Variants in SMURF1 observed in about 807,000 individuals in gnomAD.
The protein encoded by SMURF1 is E3 ubiquitin-protein ligase SMURF1.
A neutral mutation model predicts 98.0 loss-of-function variants in SMURF1; 44 were observed. The observed-to-expected ratio is 0.45, with a 90% CI of 0.35 to 0.58. The LOEUF (loss-of-function observed/expected upper bound fraction) is 0.58, where lower values mean the gene tolerates loss of function less well. SMURF1 is among the 20% of genes least tolerant of loss of function. The pLI, the probability that SMURF1 is intolerant of heterozygous loss-of-function variation, is 0.00. For missense variants in SMURF1, 687 were observed against 938.4 expected (o/e 0.73, Z 3.50); for synonymous variants, 396 against 374.9 (o/e 1.06, Z -0.65).
intron 1 of SMURF1, among the ~76,000 whole-genome samples, chr7:99,126,062 C>T (rs1216997643): frequency 1.3e-5 from 2 of 152,128 alleles, no homozygotes; most frequent in African/African-American, 4.8e-5. Flanking sequence ...GACTCAGGGG[C>T]GCTTTGTATT....
At chr7:99,140,763 C>G (rs1798102965) in intron 1 of SMURF1, among the ~76,000 whole-genome samples, 1 of 151,942 alleles carries the variant, frequency 6.6e-6, no homozygotes, top group South Asian at 2.1e-4. Flanking sequence ...TATTCATTGA[C>G]TGGTTGAAAT....
chr7:99,043,660 TC>T (rs1795466400), intron 11 of SMURF1, among the ~76,000 whole-genome samples: 1 of 152,162 alleles, frequency 6.6e-6, no homozygotes, highest in South Asian at 2.1e-4. Flanking sequence ...TAAAATTCAT[TC>T]ATTTGGCACA....
intron 11 of SMURF1, among the ~76,000 whole-genome samples, chr7:99,043,010 A>G (rs1050416060): frequency 7.2e-5 from 11 of 152,136 alleles, no homozygotes; most frequent in African/African-American, 2.7e-4. Flanking sequence ...GAATCCTATA[A>G]AGTCTCTTTT....
intron 9 of SMURF1, chr7:99,048,383 T>A (rs889260745): frequency 6.3e-6 from 1 of 159,038 alleles, no homozygotes. Flanking sequence ...AGCCAGACTC[T>A]CTCTCTCAAA....
chr7:99,046,425 G>A (rs774816365), intron 10 of SMURF1, among the ~76,000 whole-genome samples: 8 of 152,078 alleles, frequency 5.3e-5, no homozygotes, highest in African/African-American at 1.4e-4. Context: ...TAAATTTAAC[G>A]CAATTCAAAC....
chr7:99,032,847 G>A (rs1371653226), intron 17 of SMURF1, 190 bp downstream of exon 17: 27 of 795,850 alleles, frequency 3.4e-5, no homozygotes, highest in Non-Finnish European at 4.8e-5. Flanking sequence ...CTTGCTTGAG[G>A]GCTTCAGAAT....
rs1001468814 is a variant in SMURF1 at position 99,084,159 on chromosome 7, C to T, written c.56-22322G>A. On this transcript the variant is annotated intron_variant, in intron 1 of 17. Coordinates refer to ENST00000361368, the MANE Select transcript of SMURF1 (RefSeq NM_181349.3). ...GGTTACTGCTCAAATCCTATCTCCTCTCCAATGTCTAGAGCCAACAATGAT... is the reference window on the plus strand; with the variant it reads ...GGTTACTGCTCAAATCCTATCTCCTTTCCAATGTCTAGAGCCAACAATGAT... 5.9e-5 allele frequency among the ~76,000 whole-genome samples: 9 copies of T among 152,364 alleles called. No homozygotes were observed. The East Asian group carries it at 9.6e-4, about 16-fold the overall frequency.
At chr7:99,099,502 G>A (rs1030523562) in intron 1 of SMURF1, among the ~76,000 whole-genome samples, 2 of 152,076 alleles carry the variant, frequency 1.3e-5, no homozygotes, top group South Asian at 2.1e-4. Context: ...CCCAGGATAG[G>A]GGGGGAAATG....
intron 1 of SMURF1, among the ~76,000 whole-genome samples, chr7:99,113,838 A>G (rs907247512): frequency 1.5e-4 from 1 of 6,506 alleles, no homozygotes; most frequent in Non-Finnish European, 3.4e-3. Context: ...GACTCCGTCT[A>G]AAAAAAAAAA....
At chr7:99,065,977 C>T (rs1025203314) in intron 1 of SMURF1, among the ~76,000 whole-genome samples, 2 of 151,018 alleles carry the variant, frequency 1.3e-5, no homozygotes, top group Admixed American at 6.6e-5. Flanking sequence ...ACCCAGGAGG[C>T]GGAGGTTGCA....
intron 1 of SMURF1, among the ~76,000 whole-genome samples, chr7:99,116,363 G>C (rs776278793): frequency 9.2e-5 from 14 of 151,978 alleles, no homozygotes; most frequent in Non-Finnish European, 1.6e-4. Context: ...CTAATAACAG[G>C]AACAAGACTA....
At chr7:99,126,974 C>CG (rs1554450295) in intron 1 of SMURF1, among the ~76,000 whole-genome samples, 2 of 152,206 alleles carry the variant, frequency 1.3e-5, no homozygotes, top group African/African-American at 4.8e-5. Flanking sequence ...GAGCAGGGGC[C>CG]GGGGGGAAGG....
chr7:99,060,630 A>C lies in SMURF1; in HGVS notation c.172T>G (p.Leu58Val). 1 of 1,613,888 alleles carries C rather than the reference A, an allele frequency of 6.2e-7. No individual in the cohort carries two copies. Among genetic ancestry groups the C allele is most frequent in the Non-Finnish European group, 8.5e-7 (1 of 1,179,944 alleles). ...TAGTGCTGGTTCCACTTTGGGTCCA[A>C]TGTGTTTTTCACAGTGTCGGTTGAG... ...CHSTDTVKNTLDPKWNQHYDL... is the reference protein window; with the variant it reads ...CHSTDTVKNTVDPKWNQHYDL... Residue 58 changes from leucine to valine, a missense_variant, in exon 3 of 18, where the codon TTG (leucine) becomes GTG (valine). Around this residue, in one of 2 missense-constraint regions of SMURF1, gnomAD observed 415 missense variants for 508.4 expected, o/e 0.82. Transcript: ENST00000361368.
intron 11 of SMURF1, among the ~76,000 whole-genome samples, 176 bp from the exon 12 acceptor site, chr7:99,042,408 G>A (rs1019506475): frequency 2.0e-5 from 3 of 152,104 alleles, no homozygotes; most frequent in Non-Finnish European, 4.4e-5. Context: ...CGAGTAGCTG[G>A]CACTACAGGC....
chr7:99,104,463 CACTT>C (rs1389248963), intron 1 of SMURF1, among the ~76,000 whole-genome samples: 6 of 152,144 alleles, frequency 3.9e-5, no homozygotes, highest in African/African-American at 1.4e-4. Context: ...CCCCCTCTTC[CACTT>C]ACTAACCCAC....
chr7:99,049,932 G>A, intron 8 of SMURF1: 1 of 439,698 alleles, frequency 2.3e-6, no homozygotes, highest in South Asian at 5.4e-5. Context: ...AAACTTTCAG[G>A]CTGGGCGCGG....
At chr7:99,059,321 C>G (rs1171887174) in intron 3 of SMURF1, among the ~76,000 whole-genome samples, 11 of 146,472 alleles carry the variant, frequency 7.5e-5, no homozygotes, top group African/African-American at 2.7e-4. Flanking sequence ...TGGCGTGAAC[C>G]CGGGAGGCGG....
chr7:99,054,821 C>T lies in SMURF1; in HGVS notation c.448G>A (p.Val150Met), dbSNP rs1795841496. ...RDRIGTGGSVVDCRGLLENEG... is the reference protein window; with the variant it reads ...RDRIGTGGSVMDCRGLLENEG... ...TTTTCTAACAGTCCTCTGCAGTCCA[C>T]CACCGAGCCGCCGGTTCCTATTCTG... The change falls in exon 6 of 18, where the codon GTG becomes ATG. Residue 150 changes from valine (V) to methionine (M), a missense_variant. By Grantham distance (21) the Val-to-Met change is conservative. Transcript: ENST00000361368. 1 of 1,614,138 alleles carries T rather than the reference C, an allele frequency of 6.2e-7. No individual in the cohort carries two copies. Among genetic ancestry groups the T allele is most frequent in the Non-Finnish European group, 8.5e-7 (1 of 1,180,018 alleles).
At chr7:99,088,984 T>C (rs566652119) in intron 1 of SMURF1, among the ~76,000 whole-genome samples, 2 of 152,082 alleles carry the variant, frequency 1.3e-5, no homozygotes, top group African/African-American at 4.8e-5. Flanking sequence ...GGCGGGCAGA[T>C]CACAAGGTCA....
Sources: gnomAD v4.1 joint callset for allele counts (sites outside exome capture counted in the v4.1 genomes callset) on GRCh38, gnomAD v4.1.1 for gene constraint, gnomAD v4.1.1 regional missense constraint, MANE v1.5 for transcripts, NCBI Gene and HGNC (gene_info 2026-07-23, HGNC 2026-07-21) for gene names.